Variants in RBM47 observed in about 807,000 individuals in gnomAD.
RBM47 encodes RNA binding motif protein 47.
A neutral mutation model predicts 47.1 loss-of-function variants in RBM47; 21 were observed. That is an observed-to-expected ratio of 0.45 (90% CI 0.32 to 0.64). The LOEUF (loss-of-function observed/expected upper bound fraction) is 0.64, where lower values mean the gene tolerates loss of function less well. RBM47 is among the 30% of genes least tolerant of loss of function. RBM47 has a pLI of 0.05. For missense variants in RBM47, 708 were observed against 870.9 expected (o/e 0.81, Z 2.35); for synonymous variants, 375 against 361.7 (o/e 1.04, Z -0.42).
intron 1 of RBM47, among the ~76,000 whole-genome samples, chr4:40,598,268 A>T (rs1465205930): frequency 1.3e-5 from 2 of 152,068 alleles, no homozygotes; most frequent in Admixed American, 1.3e-4. Context: ...TTATTTTGAG[A>T]TGGGGTCTCA....
At chr4:40,621,234 C>T (rs538959200) in intron 1 of RBM47, among the ~76,000 whole-genome samples, 1 of 152,142 alleles carries the variant, frequency 6.6e-6, no homozygotes, top group Non-Finnish European at 1.5e-5. Context: ...ACTGAGGAAG[C>T]CTTTTTCAGT....
At chr4:40,601,752 C>T (rs1735302084) in intron 1 of RBM47, among the ~76,000 whole-genome samples, 1 of 152,188 alleles carries the variant, frequency 6.6e-6, no homozygotes, top group African/African-American at 2.4e-5. Context: ...GCTCTCTGTT[C>T]CTGGAAACTA....
chr4:40,595,391 G>A (rs1734657679), intron 1 of RBM47, among the ~76,000 whole-genome samples: 1 of 152,126 alleles, frequency 6.6e-6, no homozygotes, highest in African/African-American at 2.4e-5. Flanking sequence ...CTACTCGGGA[G>A]GCTGAGGCAA....
chr4:40,438,309 G>C lies in RBM47; in HGVS notation c.585C>G (p.Gly195=). The C allele has an allele frequency of 6.2e-7, 1 of 1,606,604 alleles. No individual in the cohort carries two copies. The highest frequency in any genetic ancestry group is 1.3e-5 in the African/African-American group (1 of 75,078). ...ASAADKMKNR[G]FAFVEYESHR... The stretch of plus-strand genomic sequence containing the variant: ...GGCTCTCGTACTCCACGAAGGCGAA[G>C]CCGCGGTTCTTCATCTTGTCGGCCG... The change falls in exon 4 of 7, where the codon GGC becomes GGG. Residue 195 remains glycine (G), a synonymous_variant. Transcript: ENST00000295971.
chr4:40,625,528 C>A (rs1307821854), intron 1 of RBM47, among the ~76,000 whole-genome samples: 1 of 152,218 alleles, frequency 6.6e-6, no homozygotes, highest in Non-Finnish European at 1.5e-5. Context: ...GGTACATATA[C>A]TTAACTCTTG....
At chr4:40,469,537 G>A (rs183294106) in intron 2 of RBM47, among the ~76,000 whole-genome samples, 3 of 151,236 alleles carry the variant, frequency 2.0e-5, no homozygotes, top group Non-Finnish European at 2.9e-5. Flanking sequence ...GGGTTCAAGC[G>A]ATTCTCCTGT....
intron 6 of RBM47, among the ~76,000 whole-genome samples, chr4:40,432,032 AT>A (rs1293095324): frequency 6.7e-6 from 1 of 150,100 alleles, no homozygotes; most frequent in African/African-American, 2.4e-5. Context: ...AAAAAAAAAA[AT>A]TGTAGAGACA....
intron 2 of RBM47, among the ~76,000 whole-genome samples, chr4:40,479,970 T>C (rs1342461446): frequency 7.3e-6 from 1 of 137,126 alleles, no homozygotes; most frequent in Non-Finnish European, 1.5e-5. Context: ...ACTAGTATCA[T>C]CTCCATTTTT....
intron 2 of RBM47, among the ~76,000 whole-genome samples, chr4:40,473,349 T>G (rs1577723991): frequency 6.6e-6 from 1 of 152,232 alleles, no homozygotes; most frequent in Non-Finnish European, 1.5e-5. Context: ...AGGCCTTCTA[T>G]GGAAGAATCC....
chr4:40,620,704 A>T (rs756502126), intron 1 of RBM47, among the ~76,000 whole-genome samples: 2 of 152,086 alleles, frequency 1.3e-5, no homozygotes, highest in African/African-American at 2.4e-5. Flanking sequence ...TTCTTTAAAA[A>T]ATTTTTTTTA....
At chr4:40,457,191 G>T (rs1458622999) in intron 3 of RBM47, among the ~76,000 whole-genome samples, 1 of 151,580 alleles carries the variant, frequency 6.6e-6, no homozygotes, top group Non-Finnish European at 1.5e-5. Context: ...AGGCCAAGTG[G>T]AGCGGATCAC....
intron 1 of RBM47, among the ~76,000 whole-genome samples, chr4:40,548,172 T>C (rs1729202287): frequency 6.6e-6 from 1 of 152,216 alleles, no homozygotes; most frequent in African/African-American, 2.4e-5. Flanking sequence ...TCAGGGAACA[T>C]GTGAGCCAAG....
intron 3 of RBM47, among the ~76,000 whole-genome samples, chr4:40,447,963 A>G (rs1714796243): frequency 1.3e-5 from 2 of 152,202 alleles, no homozygotes; most frequent in African/African-American, 4.8e-5. Flanking sequence ...GTGAGCCGAG[A>G]TCGTGCCACT....
chr4:40,432,517 T>G, intron 6 of RBM47, 134 bp downstream of exon 6: 4 of 1,450,784 alleles, frequency 2.8e-6, no homozygotes, highest in Non-Finnish European at 3.7e-6. Context: ...AAATTCAAAA[T>G]GCTTTGTGTC....
intron 1 of RBM47, among the ~76,000 whole-genome samples, chr4:40,574,016 A>G (rs2154269445): frequency 6.6e-6 from 1 of 152,322 alleles, no homozygotes; most frequent in South Asian, 2.1e-4. Flanking sequence ...TTTGCCACAA[A>G]GCTTTCATAG....
At chr4:40,482,389 GACT>G (rs1475540080) in intron 2 of RBM47, among the ~76,000 whole-genome samples, 2 of 152,054 alleles carry the variant, frequency 1.3e-5, no homozygotes, top group Non-Finnish European at 2.9e-5. Context: ...AAGTAGCTGG[GACT>G]ACATGTTCAT....
At chr4:40,481,481 TTATTATTTTTA>T (rs1720404528) in intron 2 of RBM47, among the ~76,000 whole-genome samples, 1 of 121,690 alleles carries the variant, frequency 8.2e-6, no homozygotes, top group Non-Finnish European at 1.8e-5. Flanking sequence ...ATTATTATTA[TTATTATTTTTA>T]TTTTTATTTT....
At chr4:40,611,670 G>A (rs896517943) in intron 1 of RBM47, among the ~76,000 whole-genome samples, 1 of 152,126 alleles carries the variant, frequency 6.6e-6, no homozygotes, top group African/African-American at 2.4e-5. Flanking sequence ...AGAGGTTGCG[G>A]TGAGCCGAGA....
intron 2 of RBM47, among the ~76,000 whole-genome samples, chr4:40,494,229 C>T (rs1252867553): frequency 3.3e-5 from 5 of 152,106 alleles, no homozygotes; most frequent in African/African-American, 1.2e-4. Context: ...GCATTTATCC[C>T]CCACCTCCCC....
Sources: allele counts gnomAD v4.1 joint callset (sites outside exome capture counted in the v4.1 genomes callset), GRCh38; gene constraint gnomAD v4.1.1; transcripts MANE v1.5; gene names NCBI Gene and HGNC (gene_info 2026-07-23, HGNC 2026-07-21).